The following DCHS1 variants were observed in gnomAD, a reference collection of about 807,000 sequenced individuals.
DCHS1 encodes the protein protocadherin-16.
In DCHS1, 78 loss-of-function variants were observed where a neutral mutation model predicts 213.9. That is an observed-to-expected ratio of 0.36 (90% confidence interval 0.30 to 0.44). DCHS1 has a LOEUF of 0.44. DCHS1 is among the 20% of genes least tolerant of loss of function. The probability of loss-of-function intolerance (pLI) is 1.00; values close to 1 mark genes in which losing one functional copy is unlikely to be tolerated. For synonymous variants in DCHS1, 1,828 were observed against 1,873.7 expected, an observed-to-expected ratio of 0.98 and a Z score of 0.63; for missense variants, 3,946 against 4,395.9, an observed-to-expected ratio of 0.90 and a Z score of 2.89.
At chr11:6,634,401 T>G in intron 2 of DCHS1, 95 bp from the exon 3 acceptor site, 7 of 1,379,032 alleles carry the variant, frequency 5.1e-6, no homozygotes, top group Middle Eastern at 2.7e-4. Context: ...GCTAAGTCTC[T>G]GGATGGCGGA....
Position 6,622,249 on chromosome 11 carries a change from C to T in DCHS1, c.9427G>A (p.Val3143Met). 6.2e-7 allele frequency: 1 copy of T among 1,603,118 alleles called. No individual in the cohort carries two copies. The highest frequency in any genetic ancestry group is 2.2e-5 in the East Asian group (1 of 44,556). ...YGFPADGKPC[V>M]AGALTAIVAG... ...ACAATGGCTGTCAGCGCACCTGCCACACATGGCTTGCCATCTGCTGGGAAG... is the reference window on the plus strand; with the variant it reads ...ACAATGGCTGTCAGCGCACCTGCCATACATGGCTTGCCATCTGCTGGGAAG... The change falls in exon 21 of 21, where the codon GTG becomes ATG. Residue 3143 changes from valine to methionine, a missense_variant. Val to Met is a conservative substitution (Grantham distance 21). Around this residue, in one of 3 missense-constraint regions of DCHS1, gnomAD observed 554 missense variants for 590.2 expected, o/e 0.94. Transcript: ENST00000299441. This position sits in a 1 kb window ranked among gnomAD's most constrained non-coding sequence, Gnocchi z 5.4.
chr11:6,631,146 C>T lies in DCHS1; in HGVS notation c.3837G>A (p.Leu1279=). 6.2e-7 allele frequency: 1 copy of T among 1,613,188 alleles called. No homozygotes were observed. The highest frequency in any genetic ancestry group is 1.3e-5 in the African/African-American group (1 of 75,006). ...HSGELLTAAP[L]IRAERPHYVL... is the part of the protein sequence containing the mutation. ...CATAGTGGGGCCGCTCTGCTCGGATCAGGGGAGCTGCAGTGAGCAGCTCCC... is the reference window on the plus strand; with the variant it reads ...CATAGTGGGGCCGCTCTGCTCGGATTAGGGGAGCTGCAGTGAGCAGCTCCC... The change falls in exon 9 of 21, where the codon CTG becomes CTA. Residue 1279 remains leucine, a synonymous_variant. Coordinates refer to ENST00000299441, the MANE Select transcript of DCHS1 (RefSeq NM_003737.4).
rs755974939 is a variant in DCHS1 at position 6,626,343 on chromosome 11, G to A, written c.6402C>T (p.Phe2134=). ...ITVRSAEGLD[F]EVSPRLRLVL... is the part of the protein sequence containing the mutation. ...CCAGTCGCAGCCGTGGACTCACCTC[G>A]AAGTCTAGCCCCTCTGCTGAGCGAA... The change falls in exon 16 of 21, where the codon TTC becomes TTT. Residue 2134 remains phenylalanine (F), a synonymous_variant. Coordinates refer to ENST00000299441, the MANE Select transcript of DCHS1 (RefSeq NM_003737.4). The surrounding 1 kb of genome is among the most constrained non-coding windows in gnomAD (Gnocchi z 5.2). 9.3e-6 allele frequency: 15 copies of A among 1,613,472 alleles called. No homozygotes were observed. The highest frequency in any genetic ancestry group is 1.7e-5 in the Admixed American group (1 of 59,950).
intron 12 of DCHS1, 72 bp downstream of exon 12, chr11:6,629,379 TG>T: frequency 1.9e-6 from 3 of 1,556,022 alleles, no homozygotes; most frequent in Non-Finnish European, 2.6e-6. Flanking sequence ...GGTAGTACTT[TG>T]GGTATTCTAT....
intron 20 of DCHS1, 112 bp from the exon 21 acceptor site, chr11:6,624,502 G>A (rs1855761797): frequency 1.5e-6 from 2 of 1,342,082 alleles, no homozygotes; most frequent in African/African-American, 1.5e-5. Context: ...TCAGGGAATG[G>A]CCTATCTGCT....
In DCHS1 at chr11:6,630,606, G is replaced by A. The variant is rs1451397541; in HGVS notation, c.4188C>T (p.Phe1396=). ...GRLYLARPLD[F]EAGPPWRALT... ...GCGCGCGCCACGGCGGGCCAGCTTC[G>A]AAGTCCAGGGGCCGCGCCAGGTACA... is the stretch of plus-strand genomic sequence containing the variant. The change falls in exon 10 of 21, where the codon TTC becomes TTT. Residue 1396 remains phenylalanine (F), a synonymous_variant. Coordinates refer to ENST00000299441, the MANE Select transcript of DCHS1 (RefSeq NM_003737.4). 1 of 1,542,552 alleles carries A rather than the reference G, an allele frequency of 6.5e-7. No homozygotes were observed.
rs1475512503 is a variant in DCHS1, at chr11:6,629,871, T to G, written c.4836A>C (p.Arg1612=). 6.2e-7 allele frequency: 1 copy of G among 1,612,840 alleles called. No individual in the cohort carries two copies. The highest frequency in any genetic ancestry group is 8.5e-7 in the Non-Finnish European group (1 of 1,179,686). The change falls in exon 11 of 21, where the codon CGA becomes CGC. Residue 1612 remains arginine (R), a synonymous_variant. Coordinates refer to ENST00000299441, the MANE Select transcript of DCHS1 (RefSeq NM_003737.4). The part of the protein sequence containing the change: ...SVVRPLDREQ[R]AEHVLTVVAS... The stretch of plus-strand genomic sequence containing the variant: ...CCACCACTGTCAGTACGTGCTCAGC[T>G]CGTTGTTCGCGGTCCAACGGCCGCA...
chr11:6,640,803 C>T lies in DCHS1; in HGVS notation c.811G>A (p.Gly271Ser), dbSNP rs1856059949. 6.2e-7 allele frequency: 1 copy of T among 1,614,066 alleles called. No individual in the cohort carries two copies. Among genetic ancestry groups the T allele is most frequent in the East Asian group, 2.2e-5 (1 of 44,892 alleles). ...GCGAACACCTGCAAGACAGGACTGC[C>T]AGGGGCCAGGCTCTCAGACACCACA... Reference protein sequence around the residue: ...HAVVSESLAPGSPVLQVFASD... With the variant: ...HAVVSESLAPSSPVLQVFASD... The change falls in exon 2 of 21, where the codon GGC (glycine) becomes AGC (serine). Residue 271 changes from glycine (G) to serine (S), a missense_variant. Gly to Ser is a moderately conservative substitution (Grantham distance 56). Transcript: ENST00000299441. This position sits in a 1 kb window ranked among gnomAD's most constrained non-coding sequence, Gnocchi z 6.5.
In DCHS1 at chr11:6,641,700, A is replaced by T. The variant is rs2134647123; in HGVS notation, c.-87T>A. On this transcript the variant is annotated 5_prime_UTR_variant, in exon 2 of 21. Coordinates refer to ENST00000299441, the MANE Select transcript of DCHS1 (RefSeq NM_003737.4). The surrounding 1 kb of genome is among the most constrained non-coding windows in gnomAD (Gnocchi z 7.1). The stretch of plus-strand genomic sequence containing the variant: ...GACCTCAGACTTTGGGTCAGGTCCC[A>T]CTGGGGCCCTGGCTCCAGCTCAGGC... 1 of 1,453,140 alleles carries T rather than the reference A, an allele frequency of 6.9e-7. No individual in the cohort carries two copies. Among genetic ancestry groups the T allele is most frequent in the East Asian group, 2.5e-5 (1 of 40,062 alleles). The allele number at this position is 1,453,140 out of a possible 1,614,324, so 90.0% of individuals were successfully genotyped here. A position where few individuals can be genotyped will look rare whatever the true frequency, so the allele number is the denominator to read the frequency against.
In DCHS1 at chr11:6,642,776, C is replaced by T. The variant is rs1290291199; in HGVS notation, c.-120-1043G>A. On this transcript the variant is annotated intron_variant, in intron 1 of 20. Coordinates refer to ENST00000299441, the MANE Select transcript of DCHS1 (RefSeq NM_003737.4). Reference sequence around the variant, plus strand: ...CACTAAAGCACTTCAAGGAGGAGTGCCAGAATATGACCTATATTTTGTGAA... The same window carrying T: ...CACTAAAGCACTTCAAGGAGGAGTGTCAGAATATGACCTATATTTTGTGAA... 4.6e-5 allele frequency among the ~76,000 whole-genome samples: 7 copies of T among 152,032 alleles called. No homozygotes were observed. The East Asian group carries it at 1.2e-3, about 25-fold the overall frequency.
chr11:6,630,702 T>G lies in DCHS1; in HGVS notation c.4092A>C (p.Ala1364=), dbSNP rs745937309. ...CACCGCCCACCAGTGTGTAGGTGAG[T>G]GCACCCACACCCGCGGGCTCTGGCG... ...VAAPEPAGVG[A]LTYTLVGGAD... is the part of the protein sequence containing the mutation. Residue 1364 remains alanine (A), a synonymous_variant, in exon 10 of 21, where the codon GCA becomes GCC. Coordinates refer to ENST00000299441, the MANE Select transcript of DCHS1 (RefSeq NM_003737.4). The G allele has an allele frequency of 1.2e-5, 18 of 1,545,092 alleles. No homozygotes were observed. In the South Asian group the frequency reaches 2.1e-4, roughly 18 times the overall value.
In DCHS1 at chr11:6,655,575, C is replaced by T. The variant is rs1856303943; in HGVS notation, c.-133G>A. ...CGCGGGCACTGACCTCCGCGCGACG[C>T]GGGCTCCCTCGCCCGGTGCTGGGGC... On this transcript the variant is annotated 5_prime_UTR_variant, in exon 1 of 21. Transcript: ENST00000299441. 2 of 980,122 alleles carry T rather than the reference C, an allele frequency of 2.0e-6. No individual in the cohort carries two copies. Among genetic ancestry groups the T allele is most frequent in the Admixed American group, 6.3e-5 (1 of 15,792 alleles). The allele number at this position is 980,122 out of a possible 1,614,324, so 60.7% of individuals were successfully genotyped here. A position where few individuals can be genotyped will look rare whatever the true frequency, so the allele number is the denominator to read the frequency against.
chr11:6,643,288 G>A (rs926021429), intron 1 of DCHS1, among the ~76,000 whole-genome samples: 2 of 152,108 alleles, frequency 1.3e-5, no homozygotes, highest in Admixed American at 6.5e-5. Context: ...AGAAGCTATC[G>A]CCCTTTCTGA....
At position 6,622,910 on chromosome 11, in the gene DCHS1, G is replaced by T. The variant is rs773472457; in HGVS notation, c.8766C>A (p.Ile2922=). 2 of 1,595,376 alleles carry T rather than the reference G, an allele frequency of 1.3e-6. No individual in the cohort carries two copies. The highest frequency in any genetic ancestry group is 1.7e-5 in the Admixed American group (1 of 57,466). Residue 2922 remains isoleucine (I), a synonymous_variant, in exon 21 of 21, where the codon ATC becomes ATA. Transcript: ENST00000299441. This position sits in a 1 kb window ranked among gnomAD's most constrained non-coding sequence, Gnocchi z 5.4. ...GTGCCAGGCCCAGTGCGGTGTGGGT[G>T]ATATCCACGGTCACAGGCACTGTGG... ...RSATVPVTVD[I]THTALGLAPD...
chr11:6,621,754 G>T lies in DCHS1; in HGVS notation c.*25C>A. On this transcript the variant is annotated 3_prime_UTR_variant, in exon 21 of 21. Transcript: ENST00000299441. Reference sequence around the variant, plus strand: ...CGTTGGGGACACTGTGCGCATCCCAGGTCGGGGCCCAGCCTGGGCCACAGC... The same window carrying T: ...CGTTGGGGACACTGTGCGCATCCCATGTCGGGGCCCAGCCTGGGCCACAGC... 1 of 1,555,730 alleles carries T rather than the reference G, an allele frequency of 6.4e-7. No individual in the cohort carries two copies.
chr11:6,634,424 A>T, intron 2 of DCHS1, 118 bp from the exon 3 acceptor site: 1 of 1,196,318 alleles, frequency 8.4e-7, no homozygotes, highest in Middle Eastern at 3.0e-4. Context: ...CACAGAGAGG[A>T]CTAGTAGGAC....
Position 6,622,488 on chromosome 11 carries a change from C to G in DCHS1, c.9188G>C (p.Arg3063Pro). The change falls in exon 21 of 21, where the codon CGT becomes CCT. Residue 3063 changes from arginine (R) to proline (P), a missense_variant. By Grantham distance (103) the Arg-to-Pro change is moderately radical. This residue lies in a region of DCHS1 where 554 missense variants were observed against 590.2 expected (regional missense o/e 0.94). Transcript: ENST00000299441. This position sits in a 1 kb window ranked among gnomAD's most constrained non-coding sequence, Gnocchi z 5.4. ...VASVASSLAA[R>P]GPDSGIQQDA... ...CTGCTGGATGCCTGAGTCAGGGCCA[C>G]GGGCAGCCAGAGAGGAGGCCACACT... is the stretch of plus-strand genomic sequence containing the variant. 1 of 1,571,964 alleles carries G rather than the reference C, an allele frequency of 6.4e-7. No homozygotes were observed. The highest frequency in any genetic ancestry group is 8.6e-7 in the Non-Finnish European group (1 of 1,158,792).
chr11:6,623,934 G>T lies in DCHS1; in HGVS notation c.7742C>A (p.Pro2581His). ...AGTGACTGGCACGACTGAGCTTTGGGGTGGCTGCCCACGGTCAGCTGCAGC... is the reference window on the plus strand; with the variant it reads ...AGTGACTGGCACGACTGAGCTTTGGTGTGGCTGCCCACGGTCAGCTGCAGC... ...TVAAADRGQP[P>H]QSSVVPVTVT... Residue 2581 changes from proline to histidine, a missense_variant, in exon 21 of 21, where the codon CCC becomes CAC. Transcript: ENST00000299441. 1 of 1,607,070 alleles carries T rather than the reference G, an allele frequency of 6.2e-7. No individual in the cohort carries two copies. The highest frequency in any genetic ancestry group is 1.1e-5 in the South Asian group (1 of 90,842).
chr11:6,631,148 G>A lies in DCHS1; in HGVS notation c.3835C>T (p.Leu1279=). Residue 1279 remains leucine, a synonymous_variant, in exon 9 of 21, where the codon CTG becomes TTG. Coordinates refer to ENST00000299441, the MANE Select transcript of DCHS1 (RefSeq NM_003737.4). The stretch of plus-strand genomic sequence containing the variant: ...TAGTGGGGCCGCTCTGCTCGGATCA[G>A]GGGAGCTGCAGTGAGCAGCTCCCCT... ...HSGELLTAAP[L]IRAERPHYVL... is the part of the protein sequence containing the mutation. The A allele has an allele frequency of 6.2e-7, 1 of 1,613,174 alleles. No individual in the cohort carries two copies. The highest frequency in any genetic ancestry group is 8.5e-7 in the Non-Finnish European group (1 of 1,179,388).
Sources: allele counts gnomAD v4.1 joint callset (sites outside exome capture counted in the v4.1 genomes callset), GRCh38; gene constraint gnomAD v4.1.1; regional missense constraint gnomAD v4.1.1; non-coding constraint Gnocchi (gnomAD v3.1); transcripts MANE v1.5; gene names NCBI Gene and HGNC (gene_info 2026-07-23, HGNC 2026-07-21).